DHRS4L2: variants seen among roughly 807,000 people sequenced by gnomAD.
DHRS4L2 encodes dehydrogenase/reductase SDR family member 4-like 2.
Under a neutral mutation model 23.9 loss-of-function variants are expected in DHRS4L2, and 22 were observed. That is an observed-to-expected ratio of 0.92 (90% CI 0.66 to 1.31). The LOEUF is 1.31. DHRS4L2 is among the 40% of genes most tolerant of loss of function. The probability of loss-of-function intolerance (pLI) is 0.00; values close to 1 mark genes in which losing one functional copy is unlikely to be tolerated. For synonymous variants in DHRS4L2, 141 were observed against 123.7 expected (o/e 1.14, Z -0.93); for missense variants, 385 against 303.3 (o/e 1.27, Z -2.00).
chr14:23,977,874 AT>A (rs1332019767), intron 1 of DHRS4L2, among the ~76,000 whole-genome samples: 3 of 151,688 alleles, frequency 2.0e-5, no homozygotes, highest in Non-Finnish European at 4.4e-5. Context: ...CTTCCCAAAA[AT>A]AAACACTGCG....
intron 1 of DHRS4L2, among the ~76,000 whole-genome samples, chr14:23,974,996 C>G (rs191672889): frequency 1.2e-4 from 18 of 151,756 alleles, no homozygotes; most frequent in Non-Finnish European, 2.1e-4. Flanking sequence ...ATGCAAAAAT[C>G]CTCAATAAAA....
chr14:23,982,091 C>A (rs555981547), intron 1 of DHRS4L2, among the ~76,000 whole-genome samples: 1 of 151,656 alleles, frequency 6.6e-6, no homozygotes, highest in South Asian at 2.1e-4. Context: ...GGCTGGGGGA[C>A]GGTCAGGGCT....
At chr14:23,991,937 T>G (rs2034278724) in intron 2 of DHRS4L2, among the ~76,000 whole-genome samples, 2 of 151,306 alleles carry the variant, frequency 1.3e-5, no homozygotes, top group Non-Finnish European at 2.9e-5. Context: ...GGTTTCACCA[T>G]GTTGGCCAGG....
At chr14:23,986,001 A>G (rs372338054), upstream of DHRS4L2, among the ~76,000 whole-genome samples, 1 of 151,620 alleles carries the variant, frequency 6.6e-6, no homozygotes, top group Admixed American at 6.6e-5. Context: ...GGCTTGTCTC[A>G]AACTCCAGAC....
exon 1 of DHRS4L2, chr14:23,969,885 G>T (rs1403594650): frequency 2.4e-6 from 1 of 413,874 alleles, no homozygotes; most frequent in Admixed American, 2.6e-5. Flanking sequence ...TGCTCAGTCG[G>T]GCAGCTCTCC....
At chr14:23,988,765 A>T, upstream of DHRS4L2, 1 of 1,394,734 alleles carries the variant, frequency 7.2e-7, no homozygotes, top group African/African-American at 1.5e-5. Flanking sequence ...GGCGGAAGGT[A>T]GCTGGCTGCG....
intron 1 of DHRS4L2, among the ~76,000 whole-genome samples, chr14:23,972,175 G>A (rs1044041319): frequency 1.3e-5 from 2 of 152,048 alleles, no homozygotes; most frequent in African/African-American, 2.4e-5. Context: ...GAATGAAGCT[G>A]CGGACCCTCG....
In DHRS4L2 at chr14:23,995,080, G is replaced by A. The variant is rs1241265726; in HGVS notation, c.355G>A (p.Val119Ile). 1.4e-5 allele frequency: 22 copies of A among 1,612,916 alleles called. No homozygotes were observed. The highest frequency in any genetic ancestry group is 1.7e-5 in the Non-Finnish European group (20 of 1,179,492). The change falls in exon 3 of 8, where the codon GTC (valine) becomes ATC (isoleucine). Residue 119 changes from valine (V) to isoleucine (I), a missense_variant. By Grantham distance (29) the Val-to-Ile change is conservative. Coordinates refer to ENST00000335125, the MANE Select transcript of DHRS4L2 (RefSeq NM_198083.4). ...GIDILVSNAA[V>I]NPFFGSLMDV... is the part of the protein sequence containing the mutation. Reference sequence around the variant, plus strand: ...CGATATCCTAGTCTCCAATGCTGCTGTCAACCCTTTCTTTGGAAGCCTAAT... The same window carrying A: ...CGATATCCTAGTCTCCAATGCTGCTATCAACCCTTTCTTTGGAAGCCTAAT...
chr14:23,978,187 T>C lies in DHRS4L2; in HGVS notation c.-176+7855T>C, dbSNP rs1433974684. Among the ~76,000 whole-genome samples, 2 of 151,386 alleles carry C rather than the reference T, an allele frequency of 1.3e-5. 1 individual carries two copies. The highest frequency in any genetic ancestry group is 2.9e-5 in the Non-Finnish European group (2 of 67,946). On this transcript the variant is annotated intron_variant, in intron 1 of 5. Coordinates refer to the DHRS4L2 transcript ENST00000534993. ...AACTTTGGCCCAGCGTACAAATGTATTTGTACCAAACACACAAAAATACAT... is the reference window on the plus strand; with the variant it reads ...AACTTTGGCCCAGCGTACAAATGTACTTGTACCAAACACACAAAAATACAT...
At chr14:23,990,380 C>T (rs1211795729) in intron 2 of DHRS4L2, 21 bp downstream of exon 2, 1 of 1,601,546 alleles carries the variant, frequency 6.2e-7, no homozygotes. Flanking sequence ...GGGAAATGGG[C>T]ACAGAGCCAG....
intron 1 of DHRS4L2, among the ~76,000 whole-genome samples, chr14:23,977,920 C>A (rs370340256): frequency 1.3e-5 from 2 of 151,662 alleles, no homozygotes; most frequent in Admixed American, 6.6e-5. Context: ...TATGTGCCAA[C>A]CTTGTACAAA....
intron 2 of DHRS4L2, chr14:23,990,648 G>T: frequency 1.7e-6 from 2 of 1,197,948 alleles, no homozygotes; most frequent in Non-Finnish European, 2.1e-6. Context: ...TCACAAAATA[G>T]ATGTTCCCAC....
In DHRS4L2 at chr14:24,001,957, CT is replaced by C. The variant is rs762131811; in HGVS notation, c.665+456del. Among the ~76,000 whole-genome samples the C allele has an allele frequency of 2.9e-3, 16 of 5,516 alleles. 5 individuals are homozygous for C. Among genetic ancestry groups the C allele is most frequent in the East Asian group, 0.042 (1 of 24 alleles). 3.6% of individuals were successfully genotyped at this position (5,516 alleles called of 152,430 possible). A position where few individuals can be genotyped will look rare whatever the true frequency, so the allele number is the denominator to read the frequency against. On this transcript the variant is annotated intron_variant, in intron 6 of 7. Transcript: ENST00000335125. ...CCTTTCCATTCTTCACTTTCCTCTTCTTTTTTTTTTTTTTTTCTTTTTTAAT... is the reference window on the plus strand; with the variant it reads ...CCTTTCCATTCTTCACTTTCCTCTTCTTTTTTTTTTTTTTTCTTTTTTAAT...
At chr14:23,993,963 T>G (rs2034324144) in intron 2 of DHRS4L2, among the ~76,000 whole-genome samples, 1 of 151,554 alleles carries the variant, frequency 6.6e-6, no homozygotes, top group Non-Finnish European at 1.5e-5. Flanking sequence ...AAAAATCACT[T>G]CACCCCTCCC....
At chr14:23,989,530 T>G (rs1392551678) in intron 1 of DHRS4L2, among the ~76,000 whole-genome samples, 1 of 151,458 alleles carries the variant, frequency 6.6e-6, no homozygotes, top group East Asian at 1.9e-4. Flanking sequence ...GTGTCGAGAC[T>G]TTTTTTTAGG....
rs951061790 is a variant in DHRS4L2, at chr14:23,991,347, G to A, written c.306+988G>A. ...CAAAAAAGCTTGGCTTAGACTGGTC[G>A]ACAAAGCCCAAGATTGGGGCCTTGA... On this transcript the variant is annotated intron_variant, in intron 2 of 7. Coordinates refer to ENST00000335125, the MANE Select transcript of DHRS4L2 (RefSeq NM_198083.4). Among the ~76,000 whole-genome samples the A allele has an allele frequency of 1.3e-4, 20 of 151,690 alleles. 1 individual carries two copies. Among genetic ancestry groups the A allele is most frequent in the African/African-American group, 3.4e-4 (14 of 41,292 alleles).
At chr14:23,997,882 G>C (rs966267262) in intron 3 of DHRS4L2, among the ~76,000 whole-genome samples, 2 of 151,784 alleles carry the variant, frequency 1.3e-5, no homozygotes, top group African/African-American at 4.8e-5. Flanking sequence ...ATCTAAAATG[G>C]TGCATCCTTT....
chr14:23,999,890 T>A (rs1034674786), intron 3 of DHRS4L2, among the ~76,000 whole-genome samples: 5 of 124,786 alleles, frequency 4.0e-5, no homozygotes, highest in Non-Finnish European at 6.4e-5. Context: ...AGACGAGGTT[T>A]GCCATGTTGC....
intron 1 of DHRS4L2, among the ~76,000 whole-genome samples, chr14:23,982,978 A>T (rs529314711): frequency 6.6e-6 from 1 of 151,738 alleles, no homozygotes; most frequent in South Asian, 2.1e-4. Flanking sequence ...ATGGGCAAAG[A>T]CTTCATAACT....
Sources: gnomAD v4.1 joint callset for allele counts (sites outside exome capture counted in the v4.1 genomes callset) on GRCh38, gnomAD v4.1.1 for gene constraint, MANE v1.5 for transcripts, NCBI Gene and HGNC (gene_info 2026-07-23, HGNC 2026-07-21) for gene names.